The following SAMD8 variants were observed in gnomAD, a reference collection of about 807,000 sequenced individuals.
The protein encoded by SAMD8 is sphingomyelin synthase-related protein 1.
SAMD8 carries 20 observed loss-of-function variants against 42.0 expected under a neutral mutation model. The ratio of observed to expected loss-of-function variants is 0.48; its 90% CI spans 0.34 to 0.69. The LOEUF is 0.69. Among genes scored for constraint, SAMD8 ranks in the 30% least tolerant of loss-of-function variants. SAMD8 has a pLI of 0.01. For synonymous variants in SAMD8, 162 were observed against 173.0 expected (o/e 0.94, Z 0.50); for missense variants, 328 against 511.6 (o/e 0.64, Z 3.46).
chr10:75,160,580 A>G (rs568926705), intron 2 of SAMD8, among the ~76,000 whole-genome samples: 1 of 152,346 alleles, frequency 6.6e-6, no homozygotes, highest in Non-Finnish European at 1.5e-5. Flanking sequence ...TCAAAATAAT[A>G]TAAGGGATTG....
At chr10:75,121,173 A>C (rs951214136) in intron 1 of SAMD8, among the ~76,000 whole-genome samples, 1 of 152,202 alleles carries the variant, frequency 6.6e-6, no homozygotes. Context: ...CAAGCCTATG[A>C]AGTAGGAATT....
intron 2 of SAMD8, among the ~76,000 whole-genome samples, chr10:75,160,300 C>G (rs1840527214): frequency 1.3e-5 from 2 of 151,982 alleles, no homozygotes; most frequent in African/African-American, 4.8e-5. Flanking sequence ...GGGTTCACGC[C>G]ATTCTCCTGC....
At chr10:75,102,760 C>G (rs1356237557) in intron 1 of SAMD8, among the ~76,000 whole-genome samples, 8 of 152,246 alleles carry the variant, frequency 5.3e-5, no homozygotes, top group Non-Finnish European at 4.4e-5. Context: ...CGAGACCAGC[C>G]TGACTAACAT....
intron 2 of SAMD8, among the ~76,000 whole-genome samples, chr10:75,158,461 A>G (rs1299647529): frequency 6.6e-6 from 1 of 151,546 alleles, no homozygotes; most frequent in Admixed American, 6.6e-5. Flanking sequence ...GCGTGGTGGC[A>G]TGCTCCTTTA....
At chr10:75,160,388 A>G (rs1438530679) in intron 2 of SAMD8, among the ~76,000 whole-genome samples, 2 of 145,222 alleles carry the variant, frequency 1.4e-5, no homozygotes, top group Non-Finnish European at 3.0e-5. Context: ...TGTATTTTTT[A>G]GTAGGGACGG....
chr10:75,156,703 G>A (rs756315258), intron 2 of SAMD8, among the ~76,000 whole-genome samples: 6 of 151,962 alleles, frequency 3.9e-5, no homozygotes, highest in East Asian at 1.9e-4. Flanking sequence ...CCAGAACATG[G>A]AACATTCTAC....
At chr10:75,131,877 C>T (rs908426132) in intron 1 of SAMD8, among the ~76,000 whole-genome samples, 2 of 152,178 alleles carry the variant, frequency 1.3e-5, no homozygotes, top group South Asian at 2.1e-4. Context: ...CCTCACTGTG[C>T]ATTAGAATCA....
chr10:75,152,765 C>G (rs1200224677), intron 2 of SAMD8, among the ~76,000 whole-genome samples: 1 of 151,918 alleles, frequency 6.6e-6, no homozygotes, highest in Non-Finnish European at 1.5e-5. Context: ...ACTCAGGAGG[C>G]CAAGGTGGGA....
rs142044642 is a variant in SAMD8, at chr10:75,120,867, G to A, written c.-16+9145G>A. 3.7e-3 allele frequency among the ~76,000 whole-genome samples: 484 copies of A among 131,422 alleles called. 1 individual carries two copies. Among genetic ancestry groups the A allele is most frequent in the Admixed American group, 5.5e-3 (58 of 10,546 alleles). 86.2% of individuals were successfully genotyped at this position (131,422 alleles called of 152,430 possible). On this transcript the variant is annotated intron_variant, in intron 1 of 5. Coordinates refer to ENST00000542569, the MANE Select transcript of SAMD8 (RefSeq NM_001174156.2). ...GCAATCTCAGCTCACTGCAGCCTCC[G>A]CCTCCCAGGTTCAAGCGATTCTCTT... is the stretch of plus-strand genomic sequence containing the variant.
chr10:75,156,893 T>A (rs1392991527), intron 2 of SAMD8, among the ~76,000 whole-genome samples: 2 of 152,160 alleles, frequency 1.3e-5, no homozygotes, highest in African/African-American at 4.8e-5. Flanking sequence ...AATTGGAATA[T>A]GGACTGCATG....
At chr10:75,154,566 A>C (rs542146590) in intron 2 of SAMD8, among the ~76,000 whole-genome samples, 2 of 152,374 alleles carry the variant, frequency 1.3e-5, no homozygotes, top group South Asian at 4.1e-4. Flanking sequence ...TAAGGACTTC[A>C]GCTTTCATTC....
intron 3 of SAMD8, among the ~76,000 whole-genome samples, chr10:75,165,327 C>T (rs1022683559): frequency 1.5e-4 from 23 of 151,572 alleles, no homozygotes; most frequent in African/African-American, 3.6e-4. Context: ...ATTCTTTGGT[C>T]ACATGTTTAG....
intron 3 of SAMD8, among the ~76,000 whole-genome samples, chr10:75,167,779 G>T (rs1840724553): frequency 6.6e-6 from 1 of 151,570 alleles, no homozygotes; most frequent in African/African-American, 2.4e-5. Context: ...TATTTGTAGA[G>T]ATGAGGTCTG....
chr10:75,140,655 G>A (rs1014950832), intron 1 of SAMD8, among the ~76,000 whole-genome samples: 2 of 152,240 alleles, frequency 1.3e-5, no homozygotes, highest in Non-Finnish European at 2.9e-5. Flanking sequence ...AGGAGGCCAT[G>A]CAGTAAAGAA....
chr10:75,166,094 T>C (rs1331097828), intron 3 of SAMD8, among the ~76,000 whole-genome samples: 1 of 152,092 alleles, frequency 6.6e-6, no homozygotes, highest in African/African-American at 2.4e-5. Flanking sequence ...CTTGGCACTT[T>C]CACCAAAAAA....
chr10:75,146,272 CTTTTTTT>C (rs202162176), intron 1 of SAMD8, among the ~76,000 whole-genome samples: 3 of 68,124 alleles, frequency 4.4e-5, no homozygotes, highest in African/African-American at 6.9e-5. Context: ...TGTCTTGACA[CTTTTTTT>C]TTTTTTTTTT....
chr10:75,118,444 G>C (rs1848932625), intron 1 of SAMD8, among the ~76,000 whole-genome samples: 1 of 152,216 alleles, frequency 6.6e-6, no homozygotes, highest in African/African-American at 2.4e-5. Flanking sequence ...CAGAGTTCGA[G>C]ACCAGCCTGG....
chr10:75,147,855 TATAAA>T (rs888952302), intron 1 of SAMD8, among the ~76,000 whole-genome samples: 32 of 152,192 alleles, frequency 2.1e-4, no homozygotes, highest in African/African-American at 6.7e-4. Context: ...TAATAAATGA[TATAAA>T]ATAATATAAT....
intron 4 of SAMD8, among the ~76,000 whole-genome samples, chr10:75,174,531 A>T (rs1358939795): frequency 6.9e-6 from 1 of 143,908 alleles, no homozygotes; most frequent in Admixed American, 7.3e-5. Flanking sequence ...CCCTCCCGGG[A>T]TCAAGAGATT....
Sources: allele counts gnomAD v4.1 joint callset (sites outside exome capture counted in the v4.1 genomes callset), GRCh38; gene constraint gnomAD v4.1.1; transcripts MANE v1.5; gene names NCBI Gene and HGNC (gene_info 2026-07-23, HGNC 2026-07-21).